Variants in SNTG1 observed in about 807,000 individuals in gnomAD.
The protein encoded by SNTG1 is syntrophin gamma 1, also known as gamma-1-syntrophin.
In SNTG1, 39 loss-of-function variants were observed where a neutral mutation model predicts 74.7. The ratio of observed to expected loss-of-function variants is 0.52; its 90% CI spans 0.40 to 0.68. The LOEUF is 0.68. Ranked by LOEUF, SNTG1 falls within the 30% of genes least tolerant of loss-of-function variation. The pLI is 0.00. For synonymous variants in SNTG1, 254 were observed against 217.1 expected, an observed-to-expected ratio of 1.17 and a Z score of -1.49; for missense variants, 685 against 609.5, an observed-to-expected ratio of 1.12 and a Z score of -1.30.
chr8:50,079,822 C>A (rs1205862353), intron 1 of SNTG1, among the ~76,000 whole-genome samples: 1 of 152,054 alleles, frequency 6.6e-6, no homozygotes, highest in Non-Finnish European at 1.5e-5. Flanking sequence ...AATAGGGAAT[C>A]CTTTTCCCAT....
chr8:49,971,735 A>G (rs889581663), intron 1 of SNTG1, among the ~76,000 whole-genome samples: 7 of 152,182 alleles, frequency 4.6e-5, no homozygotes, highest in Non-Finnish European at 7.3e-5. Context: ...ACAAACAGAG[A>G]GCCAAATCAT....
chr8:50,003,627 A>G (rs1186806529), intron 1 of SNTG1, among the ~76,000 whole-genome samples: 1 of 152,170 alleles, frequency 6.6e-6, no homozygotes, highest in Non-Finnish European at 1.5e-5. Flanking sequence ...TCCCTGAAGA[A>G]CCTTTTAGAA....
At chr8:50,008,660 C>T (rs1255412634) in intron 1 of SNTG1, among the ~76,000 whole-genome samples, 1 of 152,070 alleles carries the variant, frequency 6.6e-6, no homozygotes, top group Non-Finnish European at 1.5e-5. Flanking sequence ...TTCCATCAAC[C>T]TGATAGTGGA....
chr8:50,156,699 G>A (rs2082265929), intron 1 of SNTG1, among the ~76,000 whole-genome samples: 1 of 152,004 alleles, frequency 6.6e-6, no homozygotes, highest in African/African-American at 2.4e-5. Flanking sequence ...TTAAAAATGG[G>A]CAAGTGTTCT....
chr8:50,071,156 A>C (rs1821328983), intron 1 of SNTG1, among the ~76,000 whole-genome samples: 1 of 152,220 alleles, frequency 6.6e-6, no homozygotes, highest in Non-Finnish European at 1.5e-5. Context: ...GGAAGAATAC[A>C]AAAGAATCTG....
At chr8:50,380,063 C>G (rs79166350) in intron 2 of SNTG1, among the ~76,000 whole-genome samples, 1 of 152,148 alleles carries the variant, frequency 6.6e-6, no homozygotes, top group Non-Finnish European at 1.5e-5. Flanking sequence ...CACCTCGGGA[C>G]GTTTACGTTT....
chr8:50,129,567 C>T (rs1422611093), intron 1 of SNTG1, among the ~76,000 whole-genome samples: 1 of 152,114 alleles, frequency 6.6e-6, no homozygotes, highest in African/African-American at 2.4e-5. Context: ...GAGTTGCCCT[C>T]ACAGGATCTG....
chr8:50,329,935 A>C (rs2090899417), intron 2 of SNTG1, among the ~76,000 whole-genome samples: 1 of 152,164 alleles, frequency 6.6e-6, no homozygotes, highest in South Asian at 2.1e-4. Flanking sequence ...CAGATCTCTA[A>C]GGCAGGGGCA....
intron 1 of SNTG1, among the ~76,000 whole-genome samples, chr8:50,083,884 G>A (rs1438647620): frequency 6.6e-6 from 1 of 152,120 alleles, no homozygotes; most frequent in East Asian, 1.9e-4. Flanking sequence ...TCAAAATTAT[G>A]AATCTTCAGT....
intron 9 of SNTG1, among the ~76,000 whole-genome samples, chr8:50,524,859 A>G (rs993571171): frequency 6.6e-6 from 1 of 152,110 alleles, no homozygotes; most frequent in Non-Finnish European, 1.5e-5. Context: ...TGGAGGAATG[A>G]CTGTATAGTT....
At chr8:49,961,918 C>T (rs1049896111) in intron 1 of SNTG1, among the ~76,000 whole-genome samples, 2 of 152,156 alleles carry the variant, frequency 1.3e-5, no homozygotes, top group Non-Finnish European at 2.9e-5. Context: ...GAAAAAATAG[C>T]GTCTTTTCTA....
chr8:50,529,361 A>G (rs551034725), intron 9 of SNTG1, among the ~76,000 whole-genome samples: 6 of 152,104 alleles, frequency 3.9e-5, no homozygotes, highest in African/African-American at 1.4e-4. Flanking sequence ...GAAGAACAAT[A>G]TCTGTTTTTT....
At chr8:50,648,653 C>T (rs1375022324) in intron 13 of SNTG1, among the ~76,000 whole-genome samples, 1 of 151,960 alleles carries the variant, frequency 6.6e-6, no homozygotes, top group East Asian at 1.9e-4. Context: ...GTTATTAATA[C>T]ACATTGTATG....
chr8:50,263,885 C>G (rs1386373477), intron 2 of SNTG1, among the ~76,000 whole-genome samples: 1 of 152,110 alleles, frequency 6.6e-6, no homozygotes, highest in African/African-American at 2.4e-5. Flanking sequence ...TTGCGGCATA[C>G]ACATTCAAGA....
intron 8 of SNTG1, among the ~76,000 whole-genome samples, chr8:50,470,515 G>C (rs903253953): frequency 2.0e-5 from 3 of 152,100 alleles, no homozygotes; most frequent in Admixed American, 2.0e-4. Flanking sequence ...GCAGACCTTC[G>C]TAGTGAGTGT....
intron 2 of SNTG1, among the ~76,000 whole-genome samples, chr8:50,204,043 T>C (rs565452947): frequency 2.0e-5 from 3 of 152,088 alleles, no homozygotes; most frequent in East Asian, 1.9e-4. Context: ...AAAAATTTAG[T>C]AGATACATTT....
At chr8:50,651,930 A>G (rs1424163175) in intron 13 of SNTG1, among the ~76,000 whole-genome samples, 1 of 151,382 alleles carries the variant, frequency 6.6e-6, no homozygotes, top group East Asian at 1.9e-4. Context: ...AGGCATTTTT[A>G]GTAGAGATGG....
At chr8:49,967,552 A>G (rs1472000022) in intron 1 of SNTG1, among the ~76,000 whole-genome samples, 1 of 151,360 alleles carries the variant, frequency 6.6e-6, no homozygotes, top group Non-Finnish European at 1.5e-5. Flanking sequence ...ATTTATTATA[A>G]TATATAAACT....
At chr8:50,122,603 A>T (rs1335710721) in intron 1 of SNTG1, among the ~76,000 whole-genome samples, 1 of 141,948 alleles carries the variant, frequency 7.0e-6, no homozygotes, top group Non-Finnish European at 1.6e-5. Context: ...GTCAATAACT[A>T]ATTAAAGGAG....
Sources: gnomAD v4.1 joint callset for allele counts (sites outside exome capture counted in the v4.1 genomes callset) on GRCh38, gnomAD v4.1.1 for gene constraint, MANE v1.5 for transcripts, NCBI Gene and HGNC (gene_info 2026-07-23, HGNC 2026-07-21) for gene names.